Variants in IL16 observed in about 807,000 individuals in gnomAD.
IL16 encodes pro-interleukin-16.
A neutral mutation model predicts 110.1 loss-of-function variants in IL16; 67 were observed. That is an observed-to-expected ratio of 0.61 (90% confidence interval 0.50 to 0.75). IL16 has a LOEUF of 0.75. Ranked by LOEUF, IL16 falls within the 30% of genes least tolerant of loss-of-function variation. The pLI is 0.00. For missense variants in IL16, 1,545 were observed against 1,655.0 expected, an observed-to-expected ratio of 0.93 and a Z score of 1.15; for synonymous variants, 689 against 662.9, an observed-to-expected ratio of 1.04 and a Z score of -0.61.
rs1489866379 is a variant in IL16 at position 81,310,336 on chromosome 15, C to G, written c.*1538C>G. Reference sequence around the variant, plus strand: ...CTCAAAACCCATCTGGGCTCCTAACCTTCCTGTAAACCCCTTTAGTGGCTT... The same window carrying G: ...CTCAAAACCCATCTGGGCTCCTAACGTTCCTGTAAACCCCTTTAGTGGCTT... On this transcript the variant is annotated 3_prime_UTR_variant, in exon 19 of 19. Transcript: ENST00000683961. 6.6e-6 allele frequency: 1 copy of G among 152,216 alleles called. No individual in the cohort carries two copies. Among genetic ancestry groups the G allele is most frequent in the East Asian group, 1.9e-4 (1 of 5,182 alleles). The allele number at this position is 152,216 out of a possible 1,614,324, so 9.4% of individuals were successfully genotyped here.
At chr15:81,296,602 G>A (rs1026959929) in intron 12 of IL16, among the ~76,000 whole-genome samples, 1 of 152,146 alleles carries the variant, frequency 6.6e-6, no homozygotes, top group African/African-American at 2.4e-5. Context: ...AGATGCAGTT[G>A]TAACTGAAGC....
chr15:81,282,862 C>T, intron 9 of IL16, 106 bp downstream of exon 9: 1 of 965,916 alleles, frequency 1.0e-6, no homozygotes, highest in Non-Finnish European at 1.6e-6. Flanking sequence ...AAAGAATGAT[C>T]TTGTGGTGGA....
upstream of IL16, among the ~76,000 whole-genome samples, chr15:81,193,851 T>C (rs1222315477): frequency 6.6e-6 from 1 of 152,142 alleles, no homozygotes; most frequent in Non-Finnish European, 1.5e-5. Flanking sequence ...AAGTTGAAAG[T>C]GCTAAATGCA....
At chr15:81,305,838 ATCC>A in intron 16 of IL16, 67 bp from the exon 17 acceptor site, 1 of 1,566,088 alleles carries the variant, frequency 6.4e-7, no homozygotes, top group Non-Finnish European at 8.7e-7. Flanking sequence ...AACCGGTTCA[ATCC>A]TCCTCCAGCA....
At chr15:81,184,694 T>G (rs1273970468) in intron 1 of IL16, among the ~76,000 whole-genome samples, 1 of 152,224 alleles carries the variant, frequency 6.6e-6, no homozygotes, top group Non-Finnish European at 1.5e-5. Flanking sequence ...GCCTTCTTTC[T>G]CTGAGTTAGG....
chr15:81,219,914 T>C (rs1159387025), intron 1 of IL16, among the ~76,000 whole-genome samples: 1 of 152,052 alleles, frequency 6.6e-6, no homozygotes, highest in Non-Finnish European at 1.5e-5. Context: ...CATCAAAGCT[T>C]TGGGGACAAA....
intron 10 of IL16, among the ~76,000 whole-genome samples, chr15:81,287,650 A>T (rs891071483): frequency 2.0e-5 from 3 of 152,200 alleles, no homozygotes; most frequent in Non-Finnish European, 2.9e-5. Flanking sequence ...CCCAATGGTG[A>T]AGCTACTAAG....
intron 2 of IL16, among the ~76,000 whole-genome samples, chr15:81,246,610 GTT>G: frequency 6.6e-6 from 1 of 152,156 alleles, no homozygotes; most frequent in East Asian, 1.9e-4. Context: ...TGGTTCCAAG[GTT>G]ACACTGACCT....
At chr15:81,209,602 T>C (rs555993037) in intron 1 of IL16, among the ~76,000 whole-genome samples, 2 of 152,028 alleles carry the variant, frequency 1.3e-5, no homozygotes, top group Admixed American at 6.6e-5. Context: ...AGGGTTTCAG[T>C]TGTCTAAGCA....
At chr15:81,249,690 G>A (rs889415694) in intron 2 of IL16, among the ~76,000 whole-genome samples, 2 of 151,866 alleles carry the variant, frequency 1.3e-5, no homozygotes, top group Admixed American at 6.6e-5. Context: ...ATCTTATTTG[G>A]GATTTGTTGG....
chr15:81,265,773 A>G lies in IL16; in HGVS notation c.536A>G (p.Gln179Arg), dbSNP rs1276415150. The G allele has an allele frequency of 1.9e-6, 3 of 1,613,396 alleles. No individual in the cohort carries two copies. The highest frequency in any genetic ancestry group is 2.7e-5 in the African/African-American group (2 of 74,878). Residue 179 changes from glutamine (Q) to arginine (R), a missense_variant, in exon 4 of 19, where the codon CAA becomes CGA. Gln to Arg is a conservative substitution (Grantham distance 43). This residue lies in a region of IL16 where 1,185 missense variants were observed against 1,238.8 expected (regional missense o/e 0.96). Transcript: ENST00000683961. ...LCSNRKSLSQ[Q>R]LDCPAGKAAG... ...AGTAACAGGAAGTCCCTCTCTCAAC[A>G]ATTGGACTGTCCAGCAGGAAAGGCT...
rs1356762700 is a variant in IL16 at position 81,299,498 on chromosome 15, A to T, written c.2172A>T (p.Leu724Phe). The part of the protein sequence containing the change: ...WVRISDCIKN[L>F]FSPIMSENHG... Reference sequence around the variant, plus strand: ...GGATTTCTGACTGCATCAAAAACTTATTTAGCCCCATCATGAGTGAGAACC... The same window carrying T: ...GGATTTCTGACTGCATCAAAAACTTTTTTAGCCCCATCATGAGTGAGAACC... The change falls in exon 14 of 19, where the codon TTA (leucine) becomes TTT (phenylalanine). Residue 724 changes from leucine to phenylalanine, a missense_variant. By Grantham distance (22) the Leu-to-Phe change is conservative (BLOSUM62 0). Coordinates refer to ENST00000683961, the MANE Select transcript of IL16 (RefSeq NM_172217.5). 1 of 1,614,152 alleles carries T rather than the reference A, an allele frequency of 6.2e-7. No homozygotes were observed. The highest frequency in any genetic ancestry group is 1.1e-5 in the South Asian group (1 of 91,080).
intron 2 of IL16, among the ~76,000 whole-genome samples, chr15:81,241,847 C>A (rs1897347053): frequency 6.6e-6 from 1 of 152,028 alleles, no homozygotes; most frequent in Non-Finnish European, 1.5e-5. Flanking sequence ...CCCTCCCAAC[C>A]CCACCTCCAC....
chr15:81,310,503 C>T lies in IL16; in HGVS notation c.*1705C>T, dbSNP rs150627190. The T allele has an allele frequency of 1.5e-3, 227 of 152,332 alleles. No individual in the cohort carries two copies. Among genetic ancestry groups the T allele is most frequent in the African/African-American group, 5.2e-3 (215 of 41,572 alleles). The allele number at this position is 152,332 out of a possible 1,614,324, so 9.4% of individuals were successfully genotyped here. Reference sequence around the variant, plus strand: ...CAGTAGACAAGCAATTAGACAAGAACTTGGAGGCACCATTTGTATCCACTT... The same window carrying T: ...CAGTAGACAAGCAATTAGACAAGAATTTGGAGGCACCATTTGTATCCACTT... On this transcript the variant is annotated 3_prime_UTR_variant, in exon 19 of 19. Transcript: ENST00000683961.
chr15:81,234,214 T>G (rs1041489103), intron 2 of IL16, among the ~76,000 whole-genome samples: 2 of 152,138 alleles, frequency 1.3e-5, no homozygotes, highest in Non-Finnish European at 2.9e-5. Flanking sequence ...CCTTCAATCT[T>G]TGTCTTTAGA....
chr15:81,310,038 T>C lies in IL16; in HGVS notation c.*1240T>C, dbSNP rs569542306. Reference sequence around the variant, plus strand: ...GCCAAAGGGATATTTGGTTTGGCCATCTCTGGATGCCTGATTGCCAAGCTC... The same window carrying C: ...GCCAAAGGGATATTTGGTTTGGCCACCTCTGGATGCCTGATTGCCAAGCTC... On this transcript the variant is annotated 3_prime_UTR_variant, in exon 19 of 19. Coordinates refer to ENST00000683961, the MANE Select transcript of IL16 (RefSeq NM_172217.5). 1 of 152,354 alleles carries C rather than the reference T, an allele frequency of 6.6e-6. No homozygotes were observed. Among genetic ancestry groups the C allele is most frequent in the East Asian group, 1.9e-4 (1 of 5,190 alleles). 9.4% of individuals were successfully genotyped at this position (152,354 alleles called of 1,614,324 possible).
At chr15:81,285,162 A>T (rs925122943) in intron 9 of IL16, among the ~76,000 whole-genome samples, 1 of 150,744 alleles carries the variant, frequency 6.6e-6, no homozygotes, top group African/African-American at 2.4e-5. Context: ...TTTTCTCCTT[A>T]TTTCTTTTTG....
rs189384713 is a variant in IL16, at chr15:81,269,892, C to T, written c.675+244C>T. ...TGCCAGTCCCTGCCAGCTGCCTTAGCACTTTCAAAGCTTGTTCTCTAATTC... is the reference window on the plus strand; with the variant it reads ...TGCCAGTCCCTGCCAGCTGCCTTAGTACTTTCAAAGCTTGTTCTCTAATTC... On this transcript the variant is annotated intron_variant, in intron 5 of 18. Transcript: ENST00000683961. Among the ~76,000 whole-genome samples the T allele has an allele frequency of 9.8e-5, 15 of 152,334 alleles. No homozygotes were observed. In the South Asian group the frequency reaches 1.9e-3, roughly 19 times the overall value.
In IL16 at chr15:81,300,521, T is replaced by C. The variant is rs1451220579; in HGVS notation, c.3149+46T>C. 3.3e-6 allele frequency: 4 copies of C among 1,217,652 alleles called. No individual in the cohort carries two copies. The African/African-American group carries it at 6.2e-5, about 19-fold the overall frequency. The allele number at this position is 1,217,652 out of a possible 1,614,324, so 75.4% of individuals were successfully genotyped here. A position where few individuals can be genotyped will look rare whatever the true frequency, so the allele number is the denominator to read the frequency against. On this transcript the variant is annotated intron_variant, in intron 14 of 18. Coordinates refer to ENST00000683961, the MANE Select transcript of IL16 (RefSeq NM_172217.5). ...TTTCTCTTTACCTTTCTCATCTTTT[T>C]CTTTCTCATCTTTATTTTTAAAAAT...
Sources: allele counts gnomAD v4.1 joint callset (sites outside exome capture counted in the v4.1 genomes callset), GRCh38; gene constraint gnomAD v4.1.1; regional missense constraint gnomAD v4.1.1; transcripts MANE v1.5; gene names NCBI Gene and HGNC (gene_info 2026-07-23, HGNC 2026-07-21).